The following SGCZ variants were observed in gnomAD, a reference collection of about 807,000 sequenced individuals.
The protein encoded by SGCZ is sarcoglycan zeta.
A neutral mutation model predicts 41.3 loss-of-function variants in SGCZ; 40 were observed. The ratio of observed to expected loss-of-function variants is 0.97; its 90% confidence interval spans 0.75 to 1.26. SGCZ has a LOEUF of 1.26. Among genes scored for constraint, SGCZ ranks in the 50% most tolerant of loss-of-function variants. The pLI, the probability that SGCZ is intolerant of heterozygous loss-of-function variation, is 0.00. For missense variants in SGCZ, 552 were observed against 369.8 expected (o/e 1.49, Z -4.04); for synonymous variants, 206 against 137.5 (o/e 1.50, Z -3.49).
chr8:15,016,732 A>T (rs945953787), intron 1 of SGCZ, among the ~76,000 whole-genome samples: 18 of 152,188 alleles, frequency 1.2e-4, no homozygotes, highest in Non-Finnish European at 1.5e-5. Flanking sequence ...TGGGTAATGT[A>T]TAAAGAAAAG....
intron 3 of SGCZ, among the ~76,000 whole-genome samples, chr8:14,302,735 A>G (rs1245720290): frequency 6.6e-6 from 1 of 152,162 alleles, no homozygotes; most frequent in African/African-American, 2.4e-5. Context: ...TATATTTTAT[A>G]AGGAAGTACA....
chr8:14,681,447 G>A (rs1486605413), intron 1 of SGCZ, among the ~76,000 whole-genome samples: 6 of 152,160 alleles, frequency 3.9e-5, no homozygotes, highest in Non-Finnish European at 7.4e-5. Context: ...ACATTATCAT[G>A]TATAGGTTAA....
At chr8:14,308,744 G>T (rs1024564576) in intron 3 of SGCZ, among the ~76,000 whole-genome samples, 21 of 151,794 alleles carry the variant, frequency 1.4e-4, no homozygotes, top group African/African-American at 4.4e-4. Context: ...TTTGTGCCGC[G>T]GTACCATGCC....
intron 1 of SGCZ, among the ~76,000 whole-genome samples, chr8:14,749,142 C>T (rs1799424730): frequency 6.6e-6 from 1 of 151,944 alleles, no homozygotes; most frequent in South Asian, 2.1e-4. Context: ...AATGCTCATC[C>T]CATAAAACTG....
chr8:14,938,668 C>T (rs1445838207), intron 1 of SGCZ, among the ~76,000 whole-genome samples: 1 of 151,888 alleles, frequency 6.6e-6, no homozygotes, highest in Non-Finnish European at 1.5e-5. Flanking sequence ...TACTATTTAG[C>T]CATAAAAAAG....
intron 1 of SGCZ, among the ~76,000 whole-genome samples, chr8:14,878,238 T>C (rs1804442998): frequency 6.6e-6 from 1 of 151,930 alleles, no homozygotes; most frequent in South Asian, 2.1e-4. Flanking sequence ...CTAACACATT[T>C]AAAAGACAAT....
At chr8:15,141,643 C>T (rs1808325561) in intron 1 of SGCZ, among the ~76,000 whole-genome samples, 1 of 152,180 alleles carries the variant, frequency 6.6e-6, no homozygotes, top group Admixed American at 6.5e-5. Flanking sequence ...GTGGCTCACG[C>T]CTGTAATCCC....
At chr8:15,115,601 C>T (rs778674085) in intron 1 of SGCZ, among the ~76,000 whole-genome samples, 4 of 152,136 alleles carry the variant, frequency 2.6e-5, no homozygotes, top group African/African-American at 4.8e-5. Flanking sequence ...GCTGTATCAT[C>T]GGGGTTCTTA....
At chr8:14,921,631 T>C (rs1799590932) in intron 1 of SGCZ, among the ~76,000 whole-genome samples, 1 of 151,966 alleles carries the variant, frequency 6.6e-6, no homozygotes, top group Admixed American at 6.6e-5. Context: ...AAAGTATAAA[T>C]AGTAGTAGCC....
Position 14,838,928 on chromosome 8 carries a change from A to G in SGCZ, c.40-284002T>C, listed in dbSNP as rs143938604. 6.3e-3 allele frequency among the ~76,000 whole-genome samples: 954 copies of G among 152,276 alleles called. 4 individuals are homozygous for G. Among genetic ancestry groups the G allele is most frequent in the Non-Finnish European group, 0.011 (726 of 68,020 alleles). On this transcript the variant is annotated intron_variant, in intron 1 of 7. Transcript: ENST00000382080. The stretch of plus-strand genomic sequence containing the variant: ...TAGAAGTAGGAGACTCAGAAAGGTG[A>G]CCAGGAAGCAGGTGGACCAAGCATG...
At chr8:14,985,718 A>G (rs754757976) in intron 1 of SGCZ, among the ~76,000 whole-genome samples, 19 of 152,184 alleles carry the variant, frequency 1.2e-4, no homozygotes, top group Non-Finnish European at 2.4e-4. Flanking sequence ...AGGACATCAG[A>G]AAAACAACAC....
chr8:14,212,919 A>T (rs992424317), intron 4 of SGCZ, among the ~76,000 whole-genome samples: 1 of 152,154 alleles, frequency 6.6e-6, no homozygotes, highest in African/African-American at 2.4e-5. Flanking sequence ...TAATAATGGA[A>T]ATAAAAACAA....
intron 1 of SGCZ, among the ~76,000 whole-genome samples, chr8:15,044,568 T>C (rs1464751137): frequency 6.6e-6 from 1 of 152,174 alleles, no homozygotes; most frequent in Admixed American, 6.6e-5. Flanking sequence ...CCACCTTTGA[T>C]AAGAGACTTT....
chr8:14,473,907 C>T (rs1316684448), intron 2 of SGCZ, among the ~76,000 whole-genome samples: 1 of 146,744 alleles, frequency 6.8e-6, no homozygotes, highest in African/African-American at 2.5e-5. Flanking sequence ...CACTGCACTC[C>T]AGCCTGGGCG....
chr8:14,778,091 T>A (rs1800469095), intron 1 of SGCZ, among the ~76,000 whole-genome samples: 1 of 152,010 alleles, frequency 6.6e-6, no homozygotes, highest in African/African-American at 2.4e-5. Flanking sequence ...GCCTGGCTAA[T>A]AATTTTTTTT....
chr8:15,084,876 T>C (rs1021644801), intron 1 of SGCZ, among the ~76,000 whole-genome samples: 5 of 152,168 alleles, frequency 3.3e-5, no homozygotes, highest in African/African-American at 7.2e-5. Flanking sequence ...ATATCTAACA[T>C]TGATAAGTTG....
intron 3 of SGCZ, chr8:14,309,667 T>C (rs1357369547): frequency 2.3e-5 from 37 of 1,610,370 alleles, no homozygotes; most frequent in Admixed American, 6.7e-5. Context: ...AATAGGTTTG[T>C]TGTTTAAGAA....
At chr8:14,856,163 T>G (rs186424412) in intron 1 of SGCZ, among the ~76,000 whole-genome samples, 35 of 152,306 alleles carry the variant, frequency 2.3e-4, no homozygotes, top group African/African-American at 7.9e-4. Context: ...TTTAATACAC[T>G]TTTTGTGGTG....
chr8:14,301,299 C>T (rs779690975), intron 3 of SGCZ, among the ~76,000 whole-genome samples: 1 of 151,706 alleles, frequency 6.6e-6, no homozygotes, highest in Non-Finnish European at 1.5e-5. Flanking sequence ...GGAGCTGATC[C>T]ATGTTTTCTG....
Sources: allele counts gnomAD v4.1 joint callset (sites outside exome capture counted in the v4.1 genomes callset), GRCh38; gene constraint gnomAD v4.1.1; transcripts MANE v1.5; gene names NCBI Gene and HGNC (gene_info 2026-07-23, HGNC 2026-07-21).